The following CAPN10 variants were observed in gnomAD, a reference collection of about 807,000 sequenced individuals.
CAPN10 encodes the protein calpain 10.
A neutral mutation model predicts 78.4 loss-of-function variants in CAPN10; 71 were observed. The ratio of observed to expected loss-of-function variants is 0.91; its 90% CI spans 0.75 to 1.10. CAPN10 has a LOEUF of 1.10. Ranked by LOEUF, CAPN10 falls within the 50% of genes least tolerant of loss-of-function variation. The probability of loss-of-function intolerance (pLI) is 0.00; values close to 1 mark genes in which losing one functional copy is unlikely to be tolerated. For missense variants in CAPN10, 849 were observed against 924.6 expected, an observed-to-expected ratio of 0.92 and a Z score of 1.06; for synonymous variants, 437 against 407.2, an observed-to-expected ratio of 1.07 and a Z score of -0.88.
At chr2:240,587,683 G>A (rs1242593634) in intron 1 of CAPN10, among the ~76,000 whole-genome samples, 1 of 152,250 alleles carries the variant, frequency 6.6e-6, no homozygotes, top group Non-Finnish European at 1.5e-5. Flanking sequence ...GGAACTTCTG[G>A]GCTCTCGTGA....
intron 5 of CAPN10, 84 bp from the exon 6 acceptor site, chr2:240,594,459 C>T (rs2093122928): frequency 1.4e-6 from 2 of 1,425,328 alleles, no homozygotes; most frequent in Non-Finnish European, 1.9e-6. Flanking sequence ...CTCTGGGTCC[C>T]CTCCAGGCTT....
chr2:240,592,566 T>C (rs1471139839), intron 4 of CAPN10: 2 of 465,910 alleles, frequency 4.3e-6, no homozygotes, highest in South Asian at 1.6e-5. Flanking sequence ...CCCAGAACTT[T>C]GGGAGGCTGA....
At chr2:240,597,215 G>A (rs2093142604) in intron 9 of CAPN10, among the ~76,000 whole-genome samples, 1 of 152,256 alleles carries the variant, frequency 6.6e-6, no homozygotes, top group South Asian at 2.1e-4. Flanking sequence ...GGTGAGTGGG[G>A]AGGAAGGGAG....
At position 240,598,706 on chromosome 2, in the gene CAPN10, G is replaced by A. The variant is rs115338876; in HGVS notation, c.*26G>A. The stretch of plus-strand genomic sequence containing the variant: ...CAGGGTGGCCCCCTGTGCCAGCTCA[G>A]GTGACTGGAGCCCGAGGGCCTGACA... On this transcript the variant is annotated 3_prime_UTR_variant, in exon 12 of 12. Transcript: ENST00000391984. 707 of 1,563,570 alleles carry A rather than the reference G, an allele frequency of 4.5e-4. 4 individuals carry two copies. In the African/African-American group the frequency reaches 8.7e-3, roughly 19 times the overall value.
At chr2:240,596,142 GC>G (rs1232403073) in intron 7 of CAPN10, 176 bp from the exon 8 acceptor site, 16 of 1,504,502 alleles carry the variant, frequency 1.1e-5, no homozygotes, top group Non-Finnish European at 1.3e-5. Flanking sequence ...GCCAAGTGAA[GC>G]CCGGGATTGG....
At position 240,587,046 on chromosome 2, in the gene CAPN10, G is replaced by A; in HGVS notation, c.135G>A (p.Arg45=). The change falls in exon 1 of 12, where the codon CGG becomes CGA. Residue 45 remains arginine, a synonymous_variant. Coordinates refer to ENST00000391984, the MANE Select transcript of CAPN10 (RefSeq NM_023083.4). ...AQFREDITWR[R]PQEICATPRL... The stretch of plus-strand genomic sequence containing the variant: ...TCCGCGAGGACATCACGTGGAGGCG[G>A]CCCCAGGTGGGGCCGTGTGGGGTGC... The A allele has an allele frequency of 1.4e-6, 2 of 1,433,650 alleles. No homozygotes were observed. Among genetic ancestry groups the A allele is most frequent in the Non-Finnish European group, 9.2e-7 (1 of 1,088,978 alleles). The allele number at this position is 1,433,650 out of a possible 1,614,324, so 88.8% of individuals were successfully genotyped here. A position where few individuals can be genotyped will look rare whatever the true frequency, so the allele number is the denominator to read the frequency against.
In CAPN10 at chr2:240,598,342, C is replaced by G. The variant is rs749508712; in HGVS notation, c.1944-10C>G. On this transcript the variant is annotated splice_polypyrimidine_tract_variant and intron_variant, in intron 10 of 11. Coordinates refer to ENST00000391984, the MANE Select transcript of CAPN10 (RefSeq NM_023083.4). ...CAGTCTGGGAGCGCTGATCTGGTGT[C>G]TCTCCACAGGCCATCCATTCACAGC... The G allele has an allele frequency of 6.2e-7, 1 of 1,613,750 alleles. No homozygotes were observed. Among genetic ancestry groups the G allele is most frequent in the South Asian group, 1.1e-5 (1 of 91,086 alleles).
chr2:240,586,741 C>A lies in CAPN10; in HGVS notation c.-171C>A. 2.0e-6 allele frequency: 1 copy of A among 505,582 alleles called. No individual in the cohort carries two copies. The highest frequency in any genetic ancestry group is 3.1e-6 in the Non-Finnish European group (1 of 325,906). 31.3% of individuals were successfully genotyped at this position (505,582 alleles called of 1,614,324 possible). A position where few individuals can be genotyped will look rare whatever the true frequency, so the allele number is the denominator to read the frequency against. On this transcript the variant is annotated 5_prime_UTR_variant, in exon 1 of 12. Coordinates refer to ENST00000391984, the MANE Select transcript of CAPN10 (RefSeq NM_023083.4). ...CGCCTGGTTACCAATGGGAGACTAG[C>A]GGGCCGGCGTACTGGCCTGGTCCAG...
intron 4 of CAPN10, among the ~76,000 whole-genome samples, chr2:240,593,302 G>A (rs555825514): frequency 7.2e-5 from 11 of 152,366 alleles, no homozygotes; most frequent in East Asian, 3.9e-4. Context: ...GCAAGGGGCC[G>A]CGGCGTGGGC....
chr2:240,596,227 C>T, intron 7 of CAPN10, 92 bp from the exon 8 acceptor site: 3 of 1,489,968 alleles, frequency 2.0e-6, no homozygotes, highest in Non-Finnish European at 2.7e-6. Context: ...CTGTCAACTC[C>T]AGAGGCCCTT....
rs1277697787 is a variant in CAPN10 at position 240,594,593 on chromosome 2, C to T, written c.881C>T (p.Ser294Phe). Residue 294 changes from serine (S) to phenylalanine (F), a missense_variant, in exon 6 of 12, where the codon TCC (serine) becomes TTC (phenylalanine). Transcript: ENST00000391984. ...VDAAVASELL[S>F]QLQEGEFWVE... is the part of the protein sequence containing the mutation. ...GCAGCGGTAGCATCTGAGCTCCTGT[C>T]CCAGCTCCAGGAAGGGGAGTTCTGG... 2 of 1,613,904 alleles carry T rather than the reference C, an allele frequency of 1.2e-6. No homozygotes were observed. The highest frequency in any genetic ancestry group is 1.3e-5 in the African/African-American group (1 of 75,034).
rs374105865 is a variant in CAPN10, at chr2:240,592,788, C to T, written c.688+638C>T. The T allele has an allele frequency of 7.2e-5, 16 of 221,082 alleles. 1 individual carries two copies. Among genetic ancestry groups the T allele is most frequent in the South Asian group, 6.3e-4 (11 of 17,422 alleles). 13.7% of individuals were successfully genotyped at this position (221,082 alleles called of 1,614,324 possible). A position where few individuals can be genotyped will look rare whatever the true frequency, so the allele number is the denominator to read the frequency against. ...TGCCACACACGCGCTGTCAAATGTT[C>T]GCCCCATGAGCGGGTTTGCCACAGT... On this transcript the variant is annotated intron_variant, in intron 4 of 11. Transcript: ENST00000391984.
intron 1 of CAPN10, among the ~76,000 whole-genome samples, chr2:240,588,270 C>A (rs2093080643): frequency 2.0e-5 from 3 of 151,844 alleles, no homozygotes. Context: ...CAGGGATAGG[C>A]TAGAGGCATT....
chr2:240,594,326 C>T (rs2093121904), intron 5 of CAPN10: 2 of 631,420 alleles, frequency 3.2e-6, no homozygotes, highest in Non-Finnish European at 5.5e-6. Context: ...CGTGAAGTTC[C>T]TCTGGGAAAA....
intron 2 of CAPN10, chr2:240,589,939 C>T (rs1185292000): frequency 6.3e-6 from 1 of 158,226 alleles, no homozygotes; most frequent in Admixed American, 6.0e-5. Flanking sequence ...AAGGCCTTCT[C>T]AGGTTTTCCT....
At position 240,586,791 on chromosome 2, in the gene CAPN10, A is replaced by G; in HGVS notation, c.-121A>G. 1 of 1,027,468 alleles carries G rather than the reference A, an allele frequency of 9.7e-7. No homozygotes were observed. The highest frequency in any genetic ancestry group is 2.9e-5 in the South Asian group (1 of 34,062). The allele number at this position is 1,027,468 out of a possible 1,614,324, so 63.6% of individuals were successfully genotyped here. A position where few individuals can be genotyped will look rare whatever the true frequency, so the allele number is the denominator to read the frequency against. Reference sequence around the variant, plus strand: ...GCACCTGCGGGGCCCTCGGGCTTGGAGGGCTGGGCCGGGCGGGGAACGGGC... The same window carrying G: ...GCACCTGCGGGGCCCTCGGGCTTGGGGGGCTGGGCCGGGCGGGGAACGGGC... On this transcript the variant is annotated 5_prime_UTR_variant, in exon 1 of 12. Coordinates refer to ENST00000391984, the MANE Select transcript of CAPN10 (RefSeq NM_023083.4).
In CAPN10 at chr2:240,598,675, A is replaced by C. The variant is rs2093153110; in HGVS notation, c.2014A>C (p.Thr672Pro). ...GGTCTCCATCATGGCAGTGATGAAA[A>C]CCTAACAGGGTGGCCCCCTGTGCCA... Reference protein sequence around the residue: ...QEVSIMAVMKT With the variant: ...QEVSIMAVMKP Residue 672 changes from threonine (T) to proline (P), a missense_variant, in exon 12 of 12, where the codon ACC becomes CCC. By Grantham distance (38) the Thr-to-Pro change is conservative. Coordinates refer to ENST00000391984, the MANE Select transcript of CAPN10 (RefSeq NM_023083.4). 1 of 1,576,318 alleles carries C rather than the reference A, an allele frequency of 6.3e-7. No homozygotes were observed. Among genetic ancestry groups the C allele is most frequent in the Non-Finnish European group, 8.6e-7 (1 of 1,161,718 alleles).
chr2:240,591,899 A>C lies in CAPN10; in HGVS notation c.471-34A>C, dbSNP rs2093104024. The C allele has an allele frequency of 5.1e-6, 8 of 1,581,096 alleles. No individual in the cohort carries two copies. The East Asian group carries it at 1.6e-4, about 31-fold the overall frequency. On this transcript the variant is annotated intron_variant, in intron 3 of 11. Transcript: ENST00000391984. ...CAGAGAGGGGGCCATGCTCAATGCC[A>C]GAGGCTCACTCCCATGGTGATTGTG... is the stretch of plus-strand genomic sequence containing the variant.
At chr2:240,590,751 A>G in intron 2 of CAPN10, 64 bp from the exon 3 acceptor site, 1 of 1,511,958 alleles carries the variant, frequency 6.6e-7, no homozygotes, top group Non-Finnish European at 9.1e-7. Flanking sequence ...CGGCCGGGAC[A>G]CTGGAGTAGC....
Sources: gnomAD v4.1 joint callset for allele counts (sites outside exome capture counted in the v4.1 genomes callset) on GRCh38, gnomAD v4.1.1 for gene constraint, MANE v1.5 for transcripts, NCBI Gene and HGNC (gene_info 2026-07-23, HGNC 2026-07-21) for gene names.